Variants in PTK2B observed in about 807,000 individuals in gnomAD.
PTK2B encodes the protein protein-tyrosine kinase 2-beta.
A neutral mutation model predicts 142.9 loss-of-function variants in PTK2B; 71 were observed. The ratio of observed to expected loss-of-function variants is 0.50; its 90% CI spans 0.41 to 0.61. The LOEUF (loss-of-function observed/expected upper bound fraction) is 0.61. Among genes scored for constraint, PTK2B ranks in the 20% least tolerant of loss-of-function variants. The probability of loss-of-function intolerance (pLI) is 0.00; values close to 1 mark genes in which losing one functional copy is unlikely to be tolerated. For missense variants in PTK2B, 1,105 were observed against 1,320.4 expected (o/e 0.84, Z 2.53); for synonymous variants, 519 against 503.4 (o/e 1.03, Z -0.42).
intron 28 of PTK2B, chr8:27,453,946 T>C: frequency 1.7e-6 from 1 of 601,680 alleles, no homozygotes; most frequent in Non-Finnish European, 2.9e-6. Flanking sequence ...AGGCTACCAC[T>C]AGTATTCCGT....
At chr8:27,336,706 C>G (rs1367877753) in intron 1 of PTK2B, among the ~76,000 whole-genome samples, 1 of 152,250 alleles carries the variant, frequency 6.6e-6, no homozygotes, top group Non-Finnish European at 1.5e-5. Context: ...ACTCCCATCT[C>G]TGACATCAGT....
chr8:27,317,027 A>C (rs191052810), intron 3 of PTK2B, among the ~76,000 whole-genome samples: 8 of 152,318 alleles, frequency 5.3e-5, no homozygotes, highest in Admixed American at 5.2e-4. Flanking sequence ...CTTTAGATTC[A>C]TCCTCTCTCT....
chr8:27,350,100 A>G (rs757252667), intron 1 of PTK2B, among the ~76,000 whole-genome samples: 21 of 152,234 alleles, frequency 1.4e-4, no homozygotes, highest in Non-Finnish European at 2.8e-4. Context: ...TACTCAAAGC[A>G]TGATAAAGGT....
chr8:27,395,563 C>A (rs1458353456), intron 1 of PTK2B, among the ~76,000 whole-genome samples: 1 of 152,164 alleles, frequency 6.6e-6, no homozygotes, highest in Non-Finnish European at 1.5e-5. Context: ...TCTCTTCTAC[C>A]CACCTGCTGC....
chr8:27,422,464 G>A, intron 5 of PTK2B, 81 bp downstream of exon 5: 1 of 1,280,512 alleles, frequency 7.8e-7, no homozygotes, highest in Non-Finnish European at 1.1e-6. Context: ...GTCCAAGATG[G>A]GAAGCAGGAA....
In PTK2B at chr8:27,422,403, C is replaced by T. The variant is rs777766408; in HGVS notation, c.551+20C>T. The T allele has an allele frequency of 1.3e-6, 2 of 1,597,156 alleles. No homozygotes were observed. Among genetic ancestry groups the T allele is most frequent in the East Asian group, 4.5e-5 (2 of 44,468 alleles). On this transcript the variant is annotated intron_variant, in intron 5 of 30. Coordinates refer to ENST00000346049, the MANE Select transcript of PTK2B (RefSeq NM_173176.3). ...GCTCAGGTATGTGGCCCTGAGGCCT[C>T]TGCTGGGAGGGCGCTGTGCTGAGCT... is the stretch of plus-strand genomic sequence containing the variant.
chr8:27,367,850 A>G (rs2130870629), intron 1 of PTK2B, among the ~76,000 whole-genome samples: 1 of 152,354 alleles, frequency 6.6e-6, no homozygotes, highest in East Asian at 1.9e-4. Flanking sequence ...GGAAGGCACC[A>G]TGCCATTCAT....
chr8:27,389,231 C>T (rs948424593), intron 1 of PTK2B, among the ~76,000 whole-genome samples: 4 of 151,450 alleles, frequency 2.6e-5, no homozygotes, highest in African/African-American at 9.7e-5. Flanking sequence ...TGCTATGGTT[C>T]CTGAAACATA....
intron 10 of PTK2B, 95 bp downstream of exon 10, chr8:27,432,456 A>C (rs559397091): frequency 8.8e-7 from 1 of 1,136,584 alleles, no homozygotes. Flanking sequence ...TGTGACACAC[A>C]GGAAGCCAGG....
chr8:27,373,522 A>G (rs571110277), intron 1 of PTK2B, among the ~76,000 whole-genome samples: 4 of 152,084 alleles, frequency 2.6e-5, no homozygotes, highest in Non-Finnish European at 5.9e-5. Flanking sequence ...TTATCCCGAC[A>G]TTTAAAACTT....
At chr8:27,385,377 T>G (rs1807285547) in intron 1 of PTK2B, among the ~76,000 whole-genome samples, 2 of 152,222 alleles carry the variant, frequency 1.3e-5, no homozygotes, top group Non-Finnish European at 2.9e-5. Flanking sequence ...TCTGGGCTCT[T>G]GGAGAACTGT....
intron 1 of PTK2B, among the ~76,000 whole-genome samples, chr8:27,328,401 G>A (rs1255398274): frequency 1.3e-5 from 2 of 152,172 alleles, no homozygotes; most frequent in Admixed American, 1.3e-4. Flanking sequence ...CAACAAATTA[G>A]GGTCCTCCTA....
intron 1 of PTK2B, among the ~76,000 whole-genome samples, chr8:27,368,055 G>A (rs1411511947): frequency 6.6e-6 from 1 of 152,244 alleles, no homozygotes; most frequent in Non-Finnish European, 1.5e-5. Context: ...GCCTGCTTTG[G>A]GGATGGGATG....
chr8:27,430,305 G>T, intron 6 of PTK2B, 59 bp from the exon 7 acceptor site: 1 of 1,608,124 alleles, frequency 6.2e-7, no homozygotes. Flanking sequence ...TGATTGGCCC[G>T]CAGTCCTGTG....
intron 2 of PTK2B, among the ~76,000 whole-genome samples, chr8:27,412,259 C>T (rs997810134): frequency 1.3e-5 from 2 of 152,176 alleles, no homozygotes; most frequent in Admixed American, 6.5e-5. Flanking sequence ...TACCATGTGG[C>T]TCAAAGCTTC....
At chr8:27,357,828 G>T (rs1379877494) in intron 1 of PTK2B, among the ~76,000 whole-genome samples, 1 of 152,174 alleles carries the variant, frequency 6.6e-6, no homozygotes, top group Non-Finnish European at 1.5e-5. Flanking sequence ...TCTGTGCCAG[G>T]CATAGTTTTA....
At chr8:27,411,733 C>G (rs1430349678) in intron 2 of PTK2B, among the ~76,000 whole-genome samples, 1 of 152,194 alleles carries the variant, frequency 6.6e-6, no homozygotes, top group Non-Finnish European at 1.5e-5. Flanking sequence ...GATTGGCACA[C>G]TTTGCAAGGC....
chr8:27,447,250 G>A (rs1811527876), intron 24 of PTK2B, among the ~76,000 whole-genome samples: 1 of 152,128 alleles, frequency 6.6e-6, no homozygotes, highest in African/African-American at 2.4e-5. Context: ...AGGAAAATCT[G>A]CCTAAAAGAA....
At position 27,432,362 on chromosome 8, in the gene PTK2B, G is replaced by C; in HGVS notation, c.987+1G>C. 6.2e-7 allele frequency: 1 copy of C among 1,613,382 alleles called. No homozygotes were observed. The highest frequency in any genetic ancestry group is 8.5e-7 in the Non-Finnish European group (1 of 1,179,800). ...GCTGGGCATTGAAGGTGCCCCCCAG[G>C]TGAGTGTCTCTGGGCACTGGGCACC... On this transcript the variant is annotated splice_donor_variant, in intron 10 of 30. Coordinates refer to ENST00000346049, the MANE Select transcript of PTK2B (RefSeq NM_173176.3). LOFTEE classifies it high-confidence loss of function.
Sources: gnomAD v4.1 joint callset for allele counts (sites outside exome capture counted in the v4.1 genomes callset) on GRCh38, gnomAD v4.1.1 for gene constraint, MANE v1.5 for transcripts, NCBI Gene and HGNC (gene_info 2026-07-23, HGNC 2026-07-21) for gene names.